Variants in ZNF565 observed in about 807,000 individuals in gnomAD.
ZNF565 encodes zinc finger protein 565.
A neutral mutation model predicts 39.4 loss-of-function variants in ZNF565; 27 were observed. The ratio of observed to expected loss-of-function variants is 0.69; its 90% CI spans 0.51 to 0.95. ZNF565 has a LOEUF of 0.95. ZNF565 is among the 40% of genes least tolerant of loss of function. The pLI is 0.00. For missense variants in ZNF565, 524 were observed against 621.1 expected, an observed-to-expected ratio of 0.84 and a Z score of 1.66; for synonymous variants, 185 against 216.6, an observed-to-expected ratio of 0.85 and a Z score of 1.28.
At chr19:36,205,512 A>C (rs1349562036) in intron 1 of ZNF565, among the ~76,000 whole-genome samples, 1 of 152,198 alleles carries the variant, frequency 6.6e-6, no homozygotes, top group Non-Finnish European at 1.5e-5. Context: ...TGGGGAACAG[A>C]GTGAGACTCT....
chr19:36,218,429 T>C (rs767673591), upstream of ZNF565, among the ~76,000 whole-genome samples: 24 of 152,110 alleles, frequency 1.6e-4, no homozygotes, highest in Non-Finnish European at 3.4e-4. Flanking sequence ...TGGTAGGAAT[T>C]TCTGAAAGAA....
At chr19:36,229,381 AT>A (rs1977222039) in intron 1 of ZNF565, among the ~76,000 whole-genome samples, 1 of 152,036 alleles carries the variant, frequency 6.6e-6, no homozygotes, top group East Asian at 1.9e-4. Flanking sequence ...TGCTACTTTT[AT>A]GTGTGGGGGT....
chr19:36,227,829 A>G (rs1230851369), intron 1 of ZNF565, among the ~76,000 whole-genome samples: 1 of 152,212 alleles, frequency 6.6e-6, no homozygotes, highest in Non-Finnish European at 1.5e-5. Context: ...TGTTGGGATT[A>G]TAGGTGTGAG....
At chr19:36,211,449 T>TCACACACACACACACA (rs370230430) in intron 1 of ZNF565, among the ~76,000 whole-genome samples, 9 of 137,774 alleles carry the variant, frequency 6.5e-5, no homozygotes, top group South Asian at 2.5e-4. Context: ...CAACTCTCTC[T>TCACACACACACACACA]CACACACACA....
chr19:36,190,133 T>C (rs762312749), intron 4 of ZNF565, among the ~76,000 whole-genome samples: 18 of 152,040 alleles, frequency 1.2e-4, no homozygotes, highest in Non-Finnish European at 2.2e-4. Context: ...CGCCCGTCCA[T>C]ACATTGTTAA....
At chr19:36,189,370 A>C (rs569338366) in intron 4 of ZNF565, among the ~76,000 whole-genome samples, 71 of 149,006 alleles carry the variant, frequency 4.8e-4, no homozygotes, top group Admixed American at 1.1e-3. Context: ...CTGGGAGCGC[A>C]GTGGTGTGAT....
rs1262944043 is a variant in ZNF565, at chr19:36,222,024, G to A, written c.56-19974C>T. On this transcript the variant is annotated intron_variant, in intron 1 of 4. Coordinates refer to the ZNF565 transcript ENST00000355114. Reference sequence around the variant, plus strand: ...GGCATACTGCAGCCTCCAACTGCTGGGCTGAAGTGATCTTCCTGCCTCAGC... The same window carrying A: ...GGCATACTGCAGCCTCCAACTGCTGAGCTGAAGTGATCTTCCTGCCTCAGC... Among the ~76,000 whole-genome samples, 5 of 150,086 alleles carry A rather than the reference G, an allele frequency of 3.3e-5. No individual in the cohort carries two copies. In the East Asian group the frequency reaches 5.9e-4, roughly 18 times the overall value.
upstream of ZNF565, among the ~76,000 whole-genome samples, chr19:36,218,894 C>T (rs1343244412): frequency 1.3e-5 from 2 of 151,106 alleles, no homozygotes; most frequent in African/African-American, 4.9e-5. Context: ...CTGCAAGCTT[C>T]ACCTCCCAGG....
rs1381212042 is a variant in ZNF565 at position 36,195,083 on chromosome 19, C to G, written c.83G>C (p.Arg28Thr). The change falls in exon 3 of 5, where the codon AGG becomes ACG. Residue 28 changes from arginine (R) to threonine (T), a missense_variant. Arg to Thr is a moderately conservative substitution (Grantham distance 71). Transcript: ENST00000304116. ...EEWKCLEPAQ[R>T]DLYREVTLEN... ...CAGAGTCACCTCCCTGTACAAGTCC[C>G]TCTGAGCAGGTTCCAGGCACTTCCA... 1.2e-6 allele frequency: 2 copies of G among 1,614,064 alleles called. No homozygotes were observed. Among genetic ancestry groups the G allele is most frequent in the African/African-American group, 2.7e-5 (2 of 74,932 alleles).
At chr19:36,217,093 C>G (rs927182765), upstream of ZNF565, among the ~76,000 whole-genome samples, 1 of 114,554 alleles carries the variant, frequency 8.7e-6, no homozygotes, top group African/African-American at 3.3e-5. Flanking sequence ...GATGGAGTCT[C>G]TCTCTCTTGC....
Position 36,201,980 on chromosome 19 carries a change from G to C in ZNF565, c.6C>G (p.Ala2=), listed in dbSNP as rs756992307. 1.9e-6 allele frequency: 3 copies of C among 1,613,876 alleles called. No individual in the cohort carries two copies. Among genetic ancestry groups the C allele is most frequent in the Admixed American group, 3.3e-5 (2 of 59,958 alleles). The change falls in exon 2 of 5, where the codon GCC becomes GCG. Residue 2 remains alanine (A), a synonymous_variant. Transcript: ENST00000304116. M[A]QGLVTFRDVA... is the part of the protein sequence containing the mutation. ...GATAGAAGGAATTTCAACATACCTGGGCCATGGCTTTTAGAACTATTTGAC... is the reference window on the plus strand; with the variant it reads ...GATAGAAGGAATTTCAACATACCTGCGCCATGGCTTTTAGAACTATTTGAC...
intron 1 of ZNF565, chr19:36,235,757 GA>G (rs1278894115): frequency 1.3e-5 from 2 of 152,178 alleles, no homozygotes; most frequent in African/African-American, 4.8e-5. Context: ...GAAAGACTGA[GA>G]AAAAGAGCGT....
At chr19:36,193,027 G>A (rs184464113) in intron 4 of ZNF565, among the ~76,000 whole-genome samples, 87 of 150,884 alleles carry the variant, frequency 5.8e-4, no homozygotes, top group Non-Finnish European at 2.2e-4. Context: ...ATGGAGTCTC[G>A]CTCTGTCGCC....
Position 36,183,505 on chromosome 19 carries a change from T to C in ZNF565, c.461A>G (p.His154Arg). Residue 154 changes from histidine (H) to arginine (R), a missense_variant, in exon 5 of 5, where the codon CAC becomes CGC. Coordinates refer to ENST00000304116, the MANE Select transcript of ZNF565 (RefSeq NM_152477.5). The stretch of plus-strand genomic sequence containing the variant: ...AGTCTCCCTGCTCTGACGTACAGTG[T>C]GAGACGTGTGATGCTGGAACACGGG... ...HMPVFQHHTS[H>R]TVRQSRETGE... 6.2e-7 allele frequency: 1 copy of C among 1,614,244 alleles called. No individual in the cohort carries two copies. The highest frequency in any genetic ancestry group is 8.5e-7 in the Non-Finnish European group (1 of 1,180,052).
chr19:36,190,573 T>A (rs1337921530), intron 4 of ZNF565, among the ~76,000 whole-genome samples: 1 of 133,384 alleles, frequency 7.5e-6, no homozygotes, highest in Admixed American at 8.1e-5. Flanking sequence ...CGAAACTCCA[T>A]CTCAAAAAAA....
chr19:36,222,257 A>C (rs1976879023), intron 1 of ZNF565, among the ~76,000 whole-genome samples: 1 of 152,156 alleles, frequency 6.6e-6, no homozygotes, highest in South Asian at 2.1e-4. Context: ...TCTTTAAAAG[A>C]AATTTTTTTT....
At chr19:36,208,327 A>G (rs529002466) in intron 1 of ZNF565, among the ~76,000 whole-genome samples, 1 of 151,396 alleles carries the variant, frequency 6.6e-6, no homozygotes, top group East Asian at 2.0e-4. Flanking sequence ...TCAGCCTCCC[A>G]AGTAGCTGAG....
At chr19:36,202,714 A>C (rs1213784106) in intron 1 of ZNF565, among the ~76,000 whole-genome samples, 1 of 152,204 alleles carries the variant, frequency 6.6e-6, no homozygotes, top group Non-Finnish European at 1.5e-5. Context: ...TATGCAGGCC[A>C]AATCTTGAGT....
At chr19:36,211,441 A>ACT (rs373301682) in intron 1 of ZNF565, among the ~76,000 whole-genome samples, 1,355 of 123,140 alleles carry the variant, frequency 0.011, 17 homozygotes, top group African/African-American at 0.028. Context: ...CCAAACTCCA[A>ACT]CTCTCTCTCA....
Sources: allele counts gnomAD v4.1 joint callset (sites outside exome capture counted in the v4.1 genomes callset), GRCh38; gene constraint gnomAD v4.1.1; transcripts MANE v1.5; gene names NCBI Gene and HGNC (gene_info 2026-07-23, HGNC 2026-07-21).